Variants in STXBP5L observed in about 807,000 individuals in gnomAD.
STXBP5L encodes the protein syntaxin binding protein 5L, also known as syntaxin-binding protein 5-like.
Under a neutral mutation model 144.5 loss-of-function variants are expected in STXBP5L, and 65 were observed. The observed-to-expected ratio is 0.45, with a 90% CI of 0.37 to 0.55. The LOEUF is 0.55. STXBP5L is among the 20% of genes least tolerant of loss of function. The pLI is 0.00. For synonymous variants in STXBP5L, 505 were observed against 469.6 expected (o/e 1.08, Z -0.97); for missense variants, 1,298 against 1,405.5 (o/e 0.92, Z 1.22).
At chr3:121,098,323 G>T (rs981807868) in intron 5 of STXBP5L, among the ~76,000 whole-genome samples, 1 of 152,154 alleles carries the variant, frequency 6.6e-6, no homozygotes, top group Non-Finnish European at 1.5e-5. Flanking sequence ...AGAAGGAGGA[G>T]CAGAGTATCA....
chr3:121,245,172 A>G (rs1169423433), intron 14 of STXBP5L, among the ~76,000 whole-genome samples: 1 of 152,132 alleles, frequency 6.6e-6, no homozygotes, highest in Non-Finnish European at 1.5e-5. Context: ...CATCAATAAC[A>G]TGAAGAGATA....
intron 5 of STXBP5L, among the ~76,000 whole-genome samples, chr3:121,104,968 C>T (rs1362090684): frequency 6.6e-6 from 1 of 152,062 alleles, no homozygotes; most frequent in East Asian, 1.9e-4. Context: ...GGGAGAAAAT[C>T]TTGGCAACCT....
intron 3 of STXBP5L, among the ~76,000 whole-genome samples, chr3:120,959,649 G>T (rs1474216092): frequency 1.3e-5 from 2 of 152,154 alleles, no homozygotes; most frequent in Admixed American, 1.3e-4. Flanking sequence ...CAAGAAAGGG[G>T]GAAAGGATTC....
At chr3:121,366,697 C>A (rs532956355) in intron 20 of STXBP5L, among the ~76,000 whole-genome samples, 321 of 152,138 alleles carry the variant, frequency 2.1e-3, no homozygotes, top group Non-Finnish European at 3.6e-3. Flanking sequence ...TCCTTTCAGT[C>A]AATCTCTATC....
At chr3:121,261,115 T>C (rs980170738) in intron 18 of STXBP5L, among the ~76,000 whole-genome samples, 1 of 152,132 alleles carries the variant, frequency 6.6e-6, no homozygotes, top group Non-Finnish European at 1.5e-5. Context: ...ACTTCAGAAT[T>C]CAGAGACTAT....
At chr3:121,182,105 A>G (rs954418413) in intron 9 of STXBP5L, among the ~76,000 whole-genome samples, 10 of 152,176 alleles carry the variant, frequency 6.6e-5, no homozygotes, top group Non-Finnish European at 1.2e-4. Flanking sequence ...TGACAGCACT[A>G]CACAGATCAT....
intron 5 of STXBP5L, among the ~76,000 whole-genome samples, chr3:121,098,814 G>T (rs1328268338): frequency 6.6e-6 from 1 of 152,176 alleles, no homozygotes; most frequent in Admixed American, 6.5e-5. Context: ...TAATTGGCAT[G>T]TCTGTAGGGA....
intron 2 of STXBP5L, among the ~76,000 whole-genome samples, chr3:120,941,379 T>C (rs1011874225): frequency 6.6e-6 from 1 of 151,758 alleles, no homozygotes; most frequent in Non-Finnish European, 1.5e-5. Flanking sequence ...ATTGTAAAAA[T>C]GTAGGTGCTC....
chr3:121,154,862 T>A (rs1362747945), intron 8 of STXBP5L, among the ~76,000 whole-genome samples: 1 of 151,814 alleles, frequency 6.6e-6, no homozygotes, highest in East Asian at 1.9e-4. Flanking sequence ...CCCCTCAAAG[T>A]AATATTTGTC....
chr3:121,104,236 C>G (rs2043578559), intron 5 of STXBP5L, among the ~76,000 whole-genome samples: 1 of 151,830 alleles, frequency 6.6e-6, no homozygotes, highest in Non-Finnish European at 1.5e-5. Context: ...ACAAAAGAAT[C>G]AAGAAATAAT....
intron 13 of STXBP5L, among the ~76,000 whole-genome samples, chr3:121,239,894 A>G (rs1005219242): frequency 2.7e-4 from 41 of 151,910 alleles, no homozygotes; most frequent in African/African-American, 9.4e-4. Context: ...AAAGAAAATA[A>G]AAAGACTCAG....
intron 3 of STXBP5L, among the ~76,000 whole-genome samples, chr3:120,995,364 T>C (rs1484015454): frequency 6.6e-6 from 1 of 152,110 alleles, no homozygotes; most frequent in Non-Finnish European, 1.5e-5. Flanking sequence ...ACCAGGCTGA[T>C]CTTGAACTCC....
rs140488453 is a variant in STXBP5L at position 121,280,327 on chromosome 3, T to C, written c.2110+371T>C. 4.5e-3 allele frequency among the ~76,000 whole-genome samples: 691 copies of C among 152,050 alleles called. 4 individuals are homozygous for C. The highest frequency in any genetic ancestry group is 0.016 in the African/African-American group (659 of 41,538). On this transcript the variant is annotated intron_variant, in intron 19 of 26. Coordinates refer to ENST00000471454, the MANE Select transcript of STXBP5L (RefSeq NM_001308330.2). ...TGTGTCAAACAGGTTAACTTTCTTC[T>C]AAAATATCTGGTCCCTTTAAAGAGA... is the stretch of plus-strand genomic sequence containing the variant.
chr3:121,266,712 G>A (rs1311660789), intron 18 of STXBP5L, among the ~76,000 whole-genome samples: 1 of 152,150 alleles, frequency 6.6e-6, no homozygotes, highest in African/African-American at 2.4e-5. Context: ...TGACATGATT[G>A]TATATTTAGA....
intron 20 of STXBP5L, among the ~76,000 whole-genome samples, chr3:121,355,115 TAAC>T (rs1344263856): frequency 6.6e-6 from 1 of 152,212 alleles, no homozygotes; most frequent in Non-Finnish European, 1.5e-5. Flanking sequence ...TGGCTGCCCT[TAAC>T]ATTTTTTCCT....
At chr3:121,389,348 T>C (rs964679999) in intron 22 of STXBP5L, among the ~76,000 whole-genome samples, 1 of 152,234 alleles carries the variant, frequency 6.6e-6, no homozygotes. Context: ...TCTGGATTCA[T>C]TGATTTTTTG....
At chr3:121,281,397 T>C (rs2051055008) in intron 19 of STXBP5L, among the ~76,000 whole-genome samples, 1 of 152,018 alleles carries the variant, frequency 6.6e-6, no homozygotes, top group Non-Finnish European at 1.5e-5. Context: ...TACATTCACA[T>C]AACGTGAGGT....
In STXBP5L at chr3:121,252,711, T is replaced by G. The variant is rs553838643; in HGVS notation, c.1441+1948T>G. Among the ~76,000 whole-genome samples, 3 of 152,342 alleles carry G rather than the reference T, an allele frequency of 2.0e-5. No individual in the cohort carries two copies. In the South Asian group the frequency reaches 6.2e-4, roughly 32 times the overall value. On this transcript the variant is annotated intron_variant, in intron 15 of 26. Coordinates refer to ENST00000471454, the MANE Select transcript of STXBP5L (RefSeq NM_001308330.2). ...TGTATCTTAGTTTTCTATTGCTGAGTAATAAATTACCACAATTTAACAACT... is the reference window on the plus strand; with the variant it reads ...TGTATCTTAGTTTTCTATTGCTGAGGAATAAATTACCACAATTTAACAACT...
At chr3:121,068,203 T>C (rs1467707176) in intron 5 of STXBP5L, among the ~76,000 whole-genome samples, 1 of 152,098 alleles carries the variant, frequency 6.6e-6, no homozygotes, top group African/African-American at 2.4e-5. Context: ...AGAAATGTGG[T>C]TTCACCATGT....
Sources: allele counts gnomAD v4.1 joint callset (sites outside exome capture counted in the v4.1 genomes callset), GRCh38; gene constraint gnomAD v4.1.1; transcripts MANE v1.5; gene names NCBI Gene and HGNC (gene_info 2026-07-23, HGNC 2026-07-21).